NOL4L: variants seen among roughly 807,000 people sequenced by gnomAD.
The protein encoded by NOL4L is nucleolar protein 4 like.
Under a neutral mutation model 64.5 loss-of-function variants are expected in NOL4L, and 7 were observed. The observed-to-expected ratio is 0.11, with a 90% confidence interval of 0.06 to 0.20. The LOEUF is 0.20. Ranked by LOEUF, NOL4L falls within the 10% of genes least tolerant of loss-of-function variation. The pLI is 1.00. For synonymous variants in NOL4L, 413 were observed against 401.0 expected (o/e 1.03, Z -0.36); for missense variants, 680 against 967.1 (o/e 0.70, Z 3.94).
At chr20:32,469,228 A>G (rs2014816829) in intron 5 of NOL4L, among the ~76,000 whole-genome samples, 1 of 152,216 alleles carries the variant, frequency 6.6e-6, no homozygotes, top group Non-Finnish European at 1.5e-5. Context: ...ACTATGTGAG[A>G]AAAAAGGCGC....
intron 4 of NOL4L, 180 bp from the exon 5 acceptor site, chr20:32,474,922 C>G: frequency 2.0e-6 from 2 of 985,458 alleles, no homozygotes; most frequent in Non-Finnish European, 1.2e-6. Context: ...GAAGTGGCCC[C>G]GGCTCTGGTT....
intron 3 of NOL4L, chr20:32,520,281 G>C (rs994991210): frequency 8.1e-6 from 1 of 123,840 alleles, no homozygotes; most frequent in African/African-American, 3.4e-5. Flanking sequence ...GCGAGACTTT[G>C]TCTCAAAAAA....
At chr20:32,541,048 C>CACACA (rs1555806421) in intron 1 of NOL4L, among the ~76,000 whole-genome samples, 2 of 150,454 alleles carry the variant, frequency 1.3e-5, no homozygotes, top group East Asian at 3.9e-4. Context: ...CACACACACA[C>CACACA]TATTCCCTCT....
intron 4 of NOL4L, among the ~76,000 whole-genome samples, chr20:32,506,487 C>T (rs900220354): frequency 6.6e-6 from 1 of 152,054 alleles, no homozygotes; most frequent in Non-Finnish European, 1.5e-5. Flanking sequence ...CATGGAGAAA[C>T]CCCATCTCTA....
chr20:32,492,320 C>G (rs116327659), intron 4 of NOL4L, among the ~76,000 whole-genome samples: 2 of 152,196 alleles, frequency 1.3e-5, no homozygotes, highest in African/African-American at 4.8e-5. Context: ...TGTGAGCAAA[C>G]GAGCACATGC....
chr20:32,567,222 ATG>A (rs1979485202), intron 1 of NOL4L, among the ~76,000 whole-genome samples: 2 of 152,186 alleles, frequency 1.3e-5, no homozygotes, highest in Non-Finnish European at 2.9e-5. Flanking sequence ...GGAAACAGCA[ATG>A]TGGGTGTGTA....
intron 4 of NOL4L, among the ~76,000 whole-genome samples, chr20:32,488,827 TTTTCTTTCTTTCTTTCTTTC>T (rs1175303976): frequency 1.2e-3 from 39 of 33,150 alleles, no homozygotes; most frequent in Non-Finnish European, 1.7e-3. Context: ...CTTTCTTTCT[TTTTCTTTCTTTCTTTCTTTC>T]TTTCTTTCTT....
At chr20:32,493,386 G>C (rs2016543874) in intron 4 of NOL4L, among the ~76,000 whole-genome samples, 1 of 152,130 alleles carries the variant, frequency 6.6e-6, no homozygotes, top group South Asian at 2.1e-4. Context: ...ATGCTGCATG[G>C]GGACCTTTCT....
intron 4 of NOL4L, among the ~76,000 whole-genome samples, chr20:32,501,201 T>C (rs1024997049): frequency 2.0e-5 from 3 of 152,188 alleles, no homozygotes; most frequent in Non-Finnish European, 4.4e-5. Flanking sequence ...CTTAACAGGA[T>C]GTGATGAAAA....
At chr20:32,470,528 G>A (rs953203312) in intron 5 of NOL4L, among the ~76,000 whole-genome samples, 2 of 152,258 alleles carry the variant, frequency 1.3e-5, no homozygotes, top group African/African-American at 2.4e-5. Context: ...AGGTGGCGGC[G>A]TAAGTACAGA....
intron 2 of NOL4L, among the ~76,000 whole-genome samples, chr20:32,521,966 G>A (rs766695447): frequency 2.0e-5 from 3 of 152,262 alleles, no homozygotes; most frequent in South Asian, 4.1e-4. Context: ...AAGGGTGAGG[G>A]GCTGCTCTGC....
At chr20:32,530,490 G>A (rs1219892260) in intron 1 of NOL4L, among the ~76,000 whole-genome samples, 1 of 151,694 alleles carries the variant, frequency 6.6e-6, no homozygotes, top group East Asian at 1.9e-4. Flanking sequence ...GCAGTGAGCC[G>A]AGATCGCGCC....
At chr20:32,557,778 A>G (rs1311841827) in intron 1 of NOL4L, among the ~76,000 whole-genome samples, 1 of 152,250 alleles carries the variant, frequency 6.6e-6, no homozygotes, top group Non-Finnish European at 1.5e-5. Flanking sequence ...AAATAATGTG[A>G]ACACAGCCAG....
At chr20:32,482,827 C>T (rs1042928051) in intron 4 of NOL4L, among the ~76,000 whole-genome samples, 1 of 150,408 alleles carries the variant, frequency 6.6e-6, no homozygotes, top group Non-Finnish European at 1.5e-5. Flanking sequence ...GTCCTCACAT[C>T]CCCAAACACA....
chr20:32,488,261 C>CTAGTG, intron 4 of NOL4L, among the ~76,000 whole-genome samples: 1 of 152,130 alleles, frequency 6.6e-6, no homozygotes. Flanking sequence ...AGATTACAAA[C>CTAGTG]TGTGGTAGAC....
intron 1 of NOL4L, among the ~76,000 whole-genome samples, chr20:32,549,248 T>C (rs758312537): frequency 6.6e-6 from 1 of 152,136 alleles, no homozygotes; most frequent in East Asian, 1.9e-4. Context: ...ACAGAAAAGA[T>C]TCTTAAAACT....
At chr20:32,552,929 G>A (rs775904410) in intron 1 of NOL4L, among the ~76,000 whole-genome samples, 1 of 152,192 alleles carries the variant, frequency 6.6e-6, no homozygotes, top group Non-Finnish European at 1.5e-5. Flanking sequence ...GCTTGAATCT[G>A]GGGGCGGAGG....
intron 1 of NOL4L, among the ~76,000 whole-genome samples, chr20:32,575,610 A>T (rs1168493971): frequency 2.0e-5 from 3 of 152,136 alleles, no homozygotes; most frequent in Non-Finnish European, 4.4e-5. Flanking sequence ...CACCCTGCCC[A>T]GTGGGGAGCC....
At chr20:32,480,209 G>T (rs994306498) in intron 4 of NOL4L, among the ~76,000 whole-genome samples, 3 of 152,142 alleles carry the variant, frequency 2.0e-5, no homozygotes, top group African/African-American at 4.8e-5. Context: ...TGCCTCACAC[G>T]GTATTTTCCA....
Sources: allele counts gnomAD v4.1 joint callset (sites outside exome capture counted in the v4.1 genomes callset), GRCh38; gene constraint gnomAD v4.1.1; transcripts MANE v1.5; gene names NCBI Gene and HGNC (gene_info 2026-07-23, HGNC 2026-07-21).